DPYSL2: variants seen among roughly 807,000 people sequenced by gnomAD.
DPYSL2 encodes dihydropyrimidinase like 2.
Under a neutral mutation model 69.9 loss-of-function variants are expected in DPYSL2, and 13 were observed. The ratio of observed to expected loss-of-function variants is 0.19; its 90% CI spans 0.12 to 0.30. DPYSL2 has a LOEUF of 0.30. Ranked by LOEUF, DPYSL2 falls within the 10% of genes least tolerant of loss-of-function variation. The pLI, the probability that DPYSL2 is intolerant of heterozygous loss-of-function variation, is 1.00. For synonymous variants in DPYSL2, 326 were observed against 359.1 expected (o/e 0.91, Z 1.04); for missense variants, 587 against 918.9 (o/e 0.64, Z 4.67).
rs1410949487 is a variant in DPYSL2 at position 26,634,848 on chromosome 8, C to T, written c.1074C>T (p.Thr358=). The change falls in exon 8 of 14, where the codon ACC becomes ACT. Residue 358 remains threonine (T), a synonymous_variant. Transcript: ENST00000521913. The stretch of plus-strand genomic sequence containing the variant: ...AGACCAACTGCCCGCTGTATATCAC[C>T]AAGGTGATGAGCAAAAGCTCTGCTG... The part of the protein sequence containing the change: ...ANQTNCPLYI[T]KVMSKSSAEV... 3 of 1,614,206 alleles carry T rather than the reference C, an allele frequency of 1.9e-6. No individual in the cohort carries two copies. In the South Asian group the frequency reaches 3.3e-5, roughly 18 times the overall value.
At chr8:26,542,130 T>C (rs1017022345) in intron 1 of DPYSL2, among the ~76,000 whole-genome samples, 4 of 151,904 alleles carry the variant, frequency 2.6e-5, no homozygotes, top group African/African-American at 9.7e-5. Flanking sequence ...TACAAAAAAA[T>C]TTTAAAAATT....
Position 26,514,739 on chromosome 8 carries a change from G to A in DPYSL2, c.354+60G>A. 1.5e-6 allele frequency: 2 copies of A among 1,326,198 alleles called. No individual in the cohort carries two copies. The highest frequency in any genetic ancestry group is 1.9e-6 in the Non-Finnish European group (2 of 1,028,982). The allele number at this position is 1,326,198 out of a possible 1,614,324, so 82.2% of individuals were successfully genotyped here. On this transcript the variant is annotated intron_variant, in intron 1 of 13. Coordinates refer to ENST00000521913, the MANE Select transcript of DPYSL2 (RefSeq NM_001197293.3). This position sits in a 1 kb window ranked among gnomAD's most constrained non-coding sequence, Gnocchi z 8.4. ...GGGGCGCGGGGATCGCCCCTCCCTCGCCCCTGAGCCCGGCGCGCCCGCCTT... is the reference window on the plus strand; with the variant it reads ...GGGGCGCGGGGATCGCCCCTCCCTCACCCCTGAGCCCGGCGCGCCCGCCTT...
Position 26,553,898 on chromosome 8 carries a change from CT to C in DPYSL2, c.355-28053del, listed in dbSNP as rs35594312. On this transcript the variant is annotated intron_variant, in intron 1 of 13. Coordinates refer to ENST00000521913, the MANE Select transcript of DPYSL2 (RefSeq NM_001197293.3). ...CTCATCAGTACCTGTTATTTTTGGG[CT>C]TTTTTTTTTTTTTTTTTGAGACGGA... is the stretch of plus-strand genomic sequence containing the variant. 7.4e-3 allele frequency among the ~76,000 whole-genome samples: 862 copies of C among 117,060 alleles called. 2 individuals carry two copies. Among genetic ancestry groups the C allele is most frequent in the African/African-American group, 0.022 (669 of 30,028 alleles). The allele number at this position is 117,060 out of a possible 152,430, so 76.8% of individuals were successfully genotyped here.
intron 7 of DPYSL2, among the ~76,000 whole-genome samples, chr8:26,631,670 AC>A (rs1292129252): frequency 2.6e-5 from 4 of 152,174 alleles, no homozygotes; most frequent in African/African-American, 9.7e-5. Context: ...CCAGGGATGC[AC>A]CAGTATGGGA....
At chr8:26,518,820 T>A (rs1808337046) in intron 1 of DPYSL2, among the ~76,000 whole-genome samples, 1 of 152,244 alleles carries the variant, frequency 6.6e-6, no homozygotes, top group Non-Finnish European at 1.5e-5. Flanking sequence ...TATAATTAGT[T>A]AAATTATAAC....
rs745918228 is a variant in DPYSL2, at chr8:26,582,079, C to T, written c.443+22C>T. 1.9e-6 allele frequency: 3 copies of T among 1,585,040 alleles called. No individual in the cohort carries two copies. Among genetic ancestry groups the T allele is most frequent in the Non-Finnish European group, 2.6e-6 (3 of 1,154,670 alleles). On this transcript the variant is annotated intron_variant, in intron 2 of 13. Coordinates refer to ENST00000521913, the MANE Select transcript of DPYSL2 (RefSeq NM_001197293.3). This position sits in a 1 kb window ranked among gnomAD's most constrained non-coding sequence, Gnocchi z 4.1. Reference sequence around the variant, plus strand: ...TCAAGTAAGTGTAACTCATGATATACAGATGTATTTGAACACTTTCCAGAC... The same window carrying T: ...TCAAGTAAGTGTAACTCATGATATATAGATGTATTTGAACACTTTCCAGAC...
At chr8:26,623,988 G>C in intron 3 of DPYSL2, 155 bp from the exon 4 acceptor site, 1 of 749,502 alleles carries the variant, frequency 1.3e-6, no homozygotes, top group Non-Finnish European at 2.2e-6. Context: ...TGGATAATCA[G>C]CTGGGTTACA....
At chr8:26,574,990 G>T (rs1801303439) in intron 1 of DPYSL2, among the ~76,000 whole-genome samples, 2 of 152,208 alleles carry the variant, frequency 1.3e-5, no homozygotes. Context: ...CTGAAGTGCA[G>T]TGGCGCTATC....
chr8:26,632,461 C>G (rs760717635), intron 7 of DPYSL2, among the ~76,000 whole-genome samples: 3 of 152,188 alleles, frequency 2.0e-5, no homozygotes, highest in African/African-American at 7.2e-5. Context: ...CGGGCACTTT[C>G]CAGCAGGCCT....
At chr8:26,553,490 G>C (rs997712864) in intron 1 of DPYSL2, among the ~76,000 whole-genome samples, 2 of 152,082 alleles carry the variant, frequency 1.3e-5, no homozygotes, top group African/African-American at 4.8e-5. Flanking sequence ...TTGGTTTTCT[G>C]TTCCTCTGTT....
chr8:26,563,870 T>A lies in DPYSL2; in HGVS notation c.355-18099T>A, dbSNP rs1224785334. 2.6e-5 allele frequency among the ~76,000 whole-genome samples: 4 copies of A among 152,092 alleles called. 1 individual carries two copies. The highest frequency in any genetic ancestry group is 9.7e-5 in the African/African-American group (4 of 41,388). On this transcript the variant is annotated intron_variant, in intron 1 of 13. Transcript: ENST00000521913. ...ATGAGTGAATGAATGAATGAATGAA[T>A]GAATGAAGTGTGGAAAGAGTCAGGA...
At chr8:26,622,170 T>TTTC (rs1491421265) in intron 3 of DPYSL2, among the ~76,000 whole-genome samples, 1 of 108,780 alleles carries the variant, frequency 9.2e-6, no homozygotes, top group East Asian at 3.0e-4. Context: ...TCTCTCTCTC[T>TTTC]TTCTTTCTTT....
At position 26,627,415 on chromosome 8, in the gene DPYSL2, C is replaced by G; in HGVS notation, c.936+120C>G. On this transcript the variant is annotated intron_variant, in intron 6 of 13. Coordinates refer to ENST00000521913, the MANE Select transcript of DPYSL2 (RefSeq NM_001197293.3). The surrounding 1 kb of genome is among the most constrained non-coding windows in gnomAD (Gnocchi z 6.9). ...TGGAAAAGCAGAGGGACCTGGTGTT[C>G]CCTTGCTGGAGCTCTGCTCAGTCTC... is the stretch of plus-strand genomic sequence containing the variant. 2 of 1,034,028 alleles carry G rather than the reference C, an allele frequency of 1.9e-6. No individual in the cohort carries two copies. Among genetic ancestry groups the G allele is most frequent in the Non-Finnish European group, 1.5e-6 (1 of 680,814 alleles). 64.1% of individuals were successfully genotyped at this position (1,034,028 alleles called of 1,614,324 possible).
chr8:26,615,420 T>C (rs185566094), intron 3 of DPYSL2, among the ~76,000 whole-genome samples: 1 of 152,150 alleles, frequency 6.6e-6, no homozygotes, highest in South Asian at 2.1e-4. Flanking sequence ...GAGTTTAAAA[T>C]CCAGGCCCTG....
At chr8:26,555,494 T>A (rs1800930015) in intron 1 of DPYSL2, among the ~76,000 whole-genome samples, 2 of 152,142 alleles carry the variant, frequency 1.3e-5, no homozygotes, top group Non-Finnish European at 2.9e-5. Flanking sequence ...AACATACTAT[T>A]GTTTATGTTA....
Position 26,514,812 on chromosome 8 carries a change from C to T in DPYSL2, c.354+133C>T, listed in dbSNP as rs1427642058. ...CTCCCGCATCTGCACGCGCACCCCG[C>T]CCTACCCGCCCCTTCTCCGCGCAGG... is the stretch of plus-strand genomic sequence containing the variant. On this transcript the variant is annotated intron_variant, in intron 1 of 13. Coordinates refer to ENST00000521913, the MANE Select transcript of DPYSL2 (RefSeq NM_001197293.3). The surrounding 1 kb of genome is among the most constrained non-coding windows in gnomAD (Gnocchi z 8.4). 2.5e-6 allele frequency: 2 copies of T among 802,426 alleles called. No homozygotes were observed. Among genetic ancestry groups the T allele is most frequent in the Non-Finnish European group, 3.6e-6 (2 of 561,372 alleles). The allele number at this position is 802,426 out of a possible 1,614,324, so 49.7% of individuals were successfully genotyped here. A position where few individuals can be genotyped will look rare whatever the true frequency, so the allele number is the denominator to read the frequency against.
chr8:26,634,737 G>C, intron 7 of DPYSL2, 43 bp from the exon 8 acceptor site: 1 of 1,613,064 alleles, frequency 6.2e-7, no homozygotes, highest in South Asian at 1.1e-5. Flanking sequence ...CGGCTCGTGG[G>C]GTGGGCTGAG....
chr8:26,548,291 C>T (rs772584639), intron 1 of DPYSL2: 7 of 216,156 alleles, frequency 3.2e-5, no homozygotes, highest in Admixed American at 2.6e-4. Flanking sequence ...ATGGGGAGAT[C>T]GGGGACACCG....
chr8:26,516,830 G>A lies in DPYSL2; in HGVS notation c.354+2151G>A, dbSNP rs569847265. ...TACTCAATGAGATTTTGTCATTCAC[G>A]ACTAAGAGCATTTACCTGGATCAGT... On this transcript the variant is annotated intron_variant, in intron 1 of 13. Coordinates refer to ENST00000521913, the MANE Select transcript of DPYSL2 (RefSeq NM_001197293.3). The surrounding 1 kb of genome is among the most constrained non-coding windows in gnomAD (Gnocchi z 4.8). Among the ~76,000 whole-genome samples, 3 of 152,236 alleles carry A rather than the reference G, an allele frequency of 2.0e-5. No homozygotes were observed. Among genetic ancestry groups the A allele is most frequent in the South Asian group, 2.1e-4 (1 of 4,822 alleles).
Sources: gnomAD v4.1 joint callset for allele counts (sites outside exome capture counted in the v4.1 genomes callset) on GRCh38, gnomAD v4.1.1 for gene constraint, Gnocchi (gnomAD v3.1) non-coding constraint, MANE v1.5 for transcripts, NCBI Gene and HGNC (gene_info 2026-07-23, HGNC 2026-07-21) for gene names.